Variants in ADGRV1 observed in about 807,000 individuals in gnomAD.
The protein encoded by ADGRV1 is adhesion G protein-coupled receptor V1, also known as G-protein coupled receptor 98.
A neutral mutation model predicts 596.2 loss-of-function variants in ADGRV1; 359 were observed. The observed-to-expected ratio is 0.60, with a 90% CI of 0.55 to 0.66. The LOEUF (loss-of-function observed/expected upper bound fraction) is 0.66. Ranked by LOEUF, ADGRV1 falls within the 30% of genes least tolerant of loss-of-function variation. The pLI, the probability that ADGRV1 is intolerant of heterozygous loss-of-function variation, is 0.00. For synonymous variants in ADGRV1, 2,681 were observed against 2,679.2 expected, an observed-to-expected ratio of 1.00 and a Z score of -0.02; for missense variants, 7,274 against 7,575.6, an observed-to-expected ratio of 0.96 and a Z score of 1.48.
At chr5:90,917,875 A>G (rs1183887589) in intron 83 of ADGRV1, among the ~76,000 whole-genome samples, 1 of 151,330 alleles carries the variant, frequency 6.6e-6, no homozygotes, top group Admixed American at 6.6e-5. Context: ...CATCATCACC[A>G]CTATCATTTT....
At chr5:90,739,677 T>G (rs1753712410) in intron 50 of ADGRV1, among the ~76,000 whole-genome samples, 1 of 152,190 alleles carries the variant, frequency 6.6e-6, no homozygotes, top group African/African-American at 2.4e-5. Context: ...TGTTGTAGAT[T>G]GTCTTCTCTG....
At chr5:91,111,357 A>C (rs1413189323) in intron 87 of ADGRV1, among the ~76,000 whole-genome samples, 3 of 152,152 alleles carry the variant, frequency 2.0e-5, no homozygotes, top group African/African-American at 4.8e-5. Flanking sequence ...GATTTTCCCA[A>C]ATGAAAATAG....
At chr5:91,040,053 T>A (rs1785215650) in intron 85 of ADGRV1, among the ~76,000 whole-genome samples, 2 of 152,156 alleles carry the variant, frequency 1.3e-5, no homozygotes, top group Admixed American at 1.3e-4. Flanking sequence ...ATATATGTAG[T>A]GTTTTGTCCA....
chr5:90,970,562 A>AGCAAAATTTGCTGTTCT (rs558401638), intron 84 of ADGRV1, among the ~76,000 whole-genome samples: 1 of 127,232 alleles, frequency 7.9e-6, no homozygotes, highest in Non-Finnish European at 1.6e-5. Context: ...TTTGCTGTTC[A>AGCAAAATTTGCTGTTCT]GCAGCCTCTG....
At chr5:91,123,953 A>T (rs1793540021) in intron 87 of ADGRV1, among the ~76,000 whole-genome samples, 1 of 152,160 alleles carries the variant, frequency 6.6e-6, no homozygotes, top group African/African-American at 2.4e-5. Context: ...GCATGTTAGA[A>T]GATGATAAAT....
At chr5:90,973,372 C>T (rs1349878459) in intron 84 of ADGRV1, among the ~76,000 whole-genome samples, 6 of 152,136 alleles carry the variant, frequency 3.9e-5, no homozygotes, top group African/African-American at 1.2e-4. Flanking sequence ...ATCATCCTGA[C>T]ACCAAAGCCT....
rs150286762 is a variant in ADGRV1 at position 90,717,229 on chromosome 5, C to G, written c.9447+500C>G. On this transcript the variant is annotated intron_variant, in intron 43 of 89. Transcript: ENST00000405460. Reference sequence around the variant, plus strand: ...TGATCTATACTCACAGTTTACCTTCCCAAACCTCTTTTTCTATATATTAAC... The same window carrying G: ...TGATCTATACTCACAGTTTACCTTCGCAAACCTCTTTTTCTATATATTAAC... 571 of 151,924 alleles carry G rather than the reference C, an allele frequency of 3.8e-3. 1 individual carries two copies. The highest frequency in any genetic ancestry group is 6.3e-3 in the Non-Finnish European group (428 of 67,982). 9.4% of individuals were successfully genotyped at this position (151,924 alleles called of 1,614,324 possible). A position where few individuals can be genotyped will look rare whatever the true frequency, so the allele number is the denominator to read the frequency against.
chr5:90,928,876 T>C (rs1288180851), intron 83 of ADGRV1, among the ~76,000 whole-genome samples: 4 of 146,312 alleles, frequency 2.7e-5, no homozygotes, highest in Non-Finnish European at 4.6e-5. Flanking sequence ...TGCAGGTCTG[T>C]TGGAATAGCC....
At chr5:90,949,975 C>T (rs901355557) in intron 83 of ADGRV1, among the ~76,000 whole-genome samples, 1 of 152,152 alleles carries the variant, frequency 6.6e-6, no homozygotes, top group African/African-American at 2.4e-5. Context: ...GCATGTTAAA[C>T]ATGAACTTTG....
chr5:90,845,154 G>A (rs1044270801), intron 78 of ADGRV1, among the ~76,000 whole-genome samples: 4 of 151,980 alleles, frequency 2.6e-5, no homozygotes, highest in African/African-American at 9.7e-5. Context: ...AGTGTAGGGC[G>A]GCTGTCAGGA....
Position 90,810,690 on chromosome 5 carries a change from G to T in ADGRV1, c.15430G>T (p.Val5144Leu), listed in dbSNP as rs763923658. 4 of 1,613,824 alleles carry T rather than the reference G, an allele frequency of 2.5e-6. No homozygotes were observed. The highest frequency in any genetic ancestry group is 3.4e-6 in the Non-Finnish European group (4 of 1,179,890). The change falls in exon 74 of 90, where the codon GTA becomes TTA. Residue 5144 changes from valine (V) to leucine (L), a missense_variant. Val to Leu is a conservative substitution (Grantham distance 32). This residue lies in a region of ADGRV1 where 1,874 missense variants were observed against 1,970.2 expected (regional missense o/e 0.95). Coordinates refer to ENST00000405460, the MANE Select transcript of ADGRV1 (RefSeq NM_032119.4). ...TTCCTTCCCCGAGACAACTGTGGCT[G>T]TAGCAGTTGACACAACTCTCATTCC... ...DISFPETTVA[V>L]AVDTTLIPVE...
intron 79 of ADGRV1, among the ~76,000 whole-genome samples, chr5:90,851,218 A>T (rs1020284155): frequency 1.3e-5 from 2 of 151,210 alleles, no homozygotes; most frequent in African/African-American, 4.9e-5. Flanking sequence ...AGAGTGTTAA[A>T]GGTTAGAGAA....
At chr5:90,609,141 CACAT>C (rs1283752181) in intron 1 of ADGRV1, among the ~76,000 whole-genome samples, 1 of 152,020 alleles carries the variant, frequency 6.6e-6, no homozygotes, top group Non-Finnish European at 1.5e-5. Flanking sequence ...TATATGTACA[CACAT>C]AAACAATCTC....
chr5:90,976,589 T>C (rs1188212562), intron 84 of ADGRV1, among the ~76,000 whole-genome samples: 1 of 152,060 alleles, frequency 6.6e-6, no homozygotes, highest in Non-Finnish European at 1.5e-5. Context: ...ATTATGCCTT[T>C]GCTATTCATG....
At chr5:90,723,656 G>A (rs1340685755) in intron 45 of ADGRV1, among the ~76,000 whole-genome samples, 1 of 152,114 alleles carries the variant, frequency 6.6e-6, no homozygotes, top group Non-Finnish European at 1.5e-5. Flanking sequence ...AATTTAAAAT[G>A]CTGGATTTTT....
In ADGRV1 at chr5:91,153,270, G is replaced by A; in HGVS notation, c.18674G>A (p.Ser6225Asn). The A allele has an allele frequency of 6.2e-7, 1 of 1,609,256 alleles. No homozygotes were observed. Among genetic ancestry groups the A allele is most frequent in the Non-Finnish European group, 8.5e-7 (1 of 1,177,744 alleles). Residue 6225 changes from serine (S) to asparagine (N), a missense_variant, in exon 89 of 90, where the codon AGC becomes AAC. Ser to Asn is a conservative substitution (Grantham distance 46, BLOSUM62 1). Coordinates refer to ENST00000405460, the MANE Select transcript of ADGRV1 (RefSeq NM_032119.4). ...RASFQQGSQA[S>N]PDLKPSPQNG... ...TCCTTCCAACAGGGCAGTCAGGCCA[G>A]CCCTGATTTAAAGCCAAGTCCACAA...
chr5:91,155,589 C>T (rs2126928735), intron 89 of ADGRV1, among the ~76,000 whole-genome samples: 1 of 152,326 alleles, frequency 6.6e-6, no homozygotes, highest in African/African-American at 2.4e-5. Context: ...ATTTTAGCAG[C>T]TCTAAAATGT....
intron 75 of ADGRV1, among the ~76,000 whole-genome samples, chr5:90,821,824 T>G (rs560641649): frequency 3.9e-5 from 6 of 151,984 alleles, no homozygotes; most frequent in Admixed American, 3.9e-4. Flanking sequence ...TTCAAAGCTG[T>G]CAGACAGGGA....
At chr5:91,137,356 C>T (rs1351104812) in intron 87 of ADGRV1, among the ~76,000 whole-genome samples, 3 of 152,128 alleles carry the variant, frequency 2.0e-5, no homozygotes, top group East Asian at 3.9e-4. Flanking sequence ...GAAAGTAATT[C>T]GGGAGTGTGG....
Sources: allele counts gnomAD v4.1 joint callset (sites outside exome capture counted in the v4.1 genomes callset), GRCh38; gene constraint gnomAD v4.1.1; regional missense constraint gnomAD v4.1.1; transcripts MANE v1.5; gene names NCBI Gene and HGNC (gene_info 2026-07-23, HGNC 2026-07-21).